The following TNFRSF19 variants were observed in gnomAD, a reference collection of about 807,000 sequenced individuals.
TNFRSF19 encodes the protein tumor necrosis factor receptor superfamily member 19.
In TNFRSF19, 27 loss-of-function variants were observed where a neutral mutation model predicts 46.4. The observed-to-expected ratio is 0.58, with a 90% CI of 0.43 to 0.80. TNFRSF19 has a LOEUF of 0.80. Among genes scored for constraint, TNFRSF19 ranks in the 30% least tolerant of loss-of-function variants. The pLI is 0.00. For missense variants in TNFRSF19, 511 were observed against 530.8 expected (o/e 0.96, Z 0.37); for synonymous variants, 204 against 205.0 (o/e 1.00, Z 0.04).
chr13:23,615,524 G>A (rs892830753), intron 3 of TNFRSF19, among the ~76,000 whole-genome samples: 1 of 152,126 alleles, frequency 6.6e-6, no homozygotes, highest in South Asian at 2.1e-4. Context: ...TTTCCCTGGC[G>A]TTAGCTTCTG....
At chr13:23,587,362 T>C (rs531597063) in intron 1 of TNFRSF19, among the ~76,000 whole-genome samples, 6 of 152,266 alleles carry the variant, frequency 3.9e-5, no homozygotes, top group African/African-American at 1.2e-4. Context: ...ACCAGCTAAA[T>C]TGTTTATTTC....
intron 4 of TNFRSF19, among the ~76,000 whole-genome samples, chr13:23,616,947 G>T (rs1452721231): frequency 6.6e-6 from 1 of 152,156 alleles, no homozygotes; most frequent in African/African-American, 2.4e-5. Flanking sequence ...AAAGATAGAA[G>T]ATGATAACTG....
rs768823245 is a variant in TNFRSF19, at chr13:23,615,963, C to A, written c.277C>A (p.Leu93Met). 15 of 1,613,936 alleles carry A rather than the reference C, an allele frequency of 9.3e-6. No homozygotes were observed. The highest frequency in any genetic ancestry group is 1.3e-5 in the Non-Finnish European group (15 of 1,179,938). The stretch of plus-strand genomic sequence containing the variant: ...GGGCTTCCAGAAATGCAAGCCCTGT[C>A]TGGACTGCGCAGTGGTGAACCGCTT... Reference protein sequence around the residue: ...DWGFQKCKPCLDCAVVNRFQK... With the variant: ...DWGFQKCKPCMDCAVVNRFQK... Residue 93 changes from leucine (L) to methionine (M), a missense_variant, in exon 4 of 10, where the codon CTG (leucine) becomes ATG (methionine). Around this residue, in one of 3 missense-constraint regions of TNFRSF19, gnomAD observed 121 missense variants for 124.1 expected, o/e 0.98. Coordinates refer to ENST00000248484, the MANE Select transcript of TNFRSF19 (RefSeq NM_148957.4).
chr13:23,663,155 G>T (rs1026005157), intron 7 of TNFRSF19, among the ~76,000 whole-genome samples: 2 of 152,186 alleles, frequency 1.3e-5, no homozygotes, highest in African/African-American at 4.8e-5. Context: ...CTGTGGGTTT[G>T]TCATAGATTG....
chr13:23,579,314 T>C (rs11841272), intron 1 of TNFRSF19: 1 of 152,022 alleles, frequency 6.6e-6, no homozygotes, highest in South Asian at 2.1e-4. Flanking sequence ...GGGTGGGCGG[T>C]GCCCTGAGCG....
intron 4 of TNFRSF19, among the ~76,000 whole-genome samples, chr13:23,623,706 G>A (rs1238528927): frequency 6.6e-6 from 1 of 152,102 alleles, no homozygotes; most frequent in Non-Finnish European, 1.5e-5. Flanking sequence ...TCAGTTCAGG[G>A]ATGATTAGTG....
intron 5 of TNFRSF19, among the ~76,000 whole-genome samples, chr13:23,650,015 G>A (rs1297667500): frequency 6.6e-6 from 1 of 152,144 alleles, no homozygotes; most frequent in Non-Finnish European, 1.5e-5. Flanking sequence ...TGAAGAGAAT[G>A]TGTATTCTGA....
chr13:23,579,196 T>C (rs1188033182), intron 1 of TNFRSF19, among the ~76,000 whole-genome samples: 1 of 151,952 alleles, frequency 6.6e-6, no homozygotes, highest in East Asian at 1.9e-4. Context: ...AGTGGGGGCC[T>C]CCAAAGAACC....
chr13:23,668,117 C>A (rs1219492190), intron 8 of TNFRSF19, 35 bp downstream of exon 8: 16 of 1,528,830 alleles, frequency 1.0e-5, no homozygotes, highest in Non-Finnish European at 1.1e-5. Flanking sequence ...ATTTCATAAC[C>A]CCCTGTGCAA....
chr13:23,598,574 T>C (rs1034711578), intron 3 of TNFRSF19, among the ~76,000 whole-genome samples: 9 of 152,180 alleles, frequency 5.9e-5, no homozygotes, highest in African/African-American at 2.2e-4. Context: ...TGACAGTATG[T>C]GTCTTATTAT....
chr13:23,641,012 A>G (rs1208807632), intron 5 of TNFRSF19, among the ~76,000 whole-genome samples: 1 of 152,238 alleles, frequency 6.6e-6, no homozygotes, highest in Non-Finnish European at 1.5e-5. Flanking sequence ...CGTAGTGCCC[A>G]AGCAGCTAGG....
rs147524652 is a variant in TNFRSF19, at chr13:23,655,238, A to G, written c.446-3812A>G. ...CGTACTCGTAATAGACACTCAGGAC[A>G]TAATTGTTCAGTTGAGTTGAACTCC... On this transcript the variant is annotated intron_variant, in intron 5 of 9. Transcript: ENST00000248484. 2.1e-3 allele frequency among the ~76,000 whole-genome samples: 322 copies of G among 152,354 alleles called. 4 individuals are homozygous for G. Among genetic ancestry groups the G allele is most frequent in the African/African-American group, 7.2e-3 (300 of 41,588 alleles).
Position 23,660,378 on chromosome 13 carries a change from A to G in TNFRSF19, c.624A>G (p.Ser208=), listed in dbSNP as rs3751364. 0.77 allele frequency: 1,246,400 copies of G among 1,612,994 alleles called. 485,063 individuals carry two copies. The highest frequency in any genetic ancestry group is 0.8 in the Non-Finnish European group (942,693 of 1,179,566). ...CCCCTCATTTAGGGTCTCTGCGGTC[A>G]CAGGACATTCAGTACAACGGCTCTG... ...MEKKPSWSLR[S]QDIQYNGSEL... Residue 208 remains serine (S), a synonymous_variant, in exon 7 of 10, where the codon TCA becomes TCG. Transcript: ENST00000248484.
chr13:23,594,265 C>A (rs759609095), intron 3 of TNFRSF19: 2 of 452,536 alleles, frequency 4.4e-6, no homozygotes, highest in African/African-American at 4.0e-5. Flanking sequence ...CCATTCACTC[C>A]CCTGGAAAGG....
Position 23,572,008 on chromosome 13 carries a change from G to A in TNFRSF19, c.-35+1160G>A, listed in dbSNP as rs75518555. Among the ~76,000 whole-genome samples, 1,611 of 151,992 alleles carry A rather than the reference G, an allele frequency of 0.011. 134 individuals carry two copies. In the East Asian group the frequency reaches 0.23, roughly 21 times the overall value. On this transcript the variant is annotated intron_variant, in intron 1 of 9. Transcript: ENST00000248484. ...CAGTTATCCTTTAGTCTGAAATTCT[G>A]ATGAAACAGGAAAGGTCTAATGAGT...
At chr13:23,633,706 G>A (rs1882496632) in intron 5 of TNFRSF19, among the ~76,000 whole-genome samples, 1 of 152,076 alleles carries the variant, frequency 6.6e-6, no homozygotes, top group South Asian at 2.1e-4. Context: ...AAAATTAGCT[G>A]CGCGTGGTGG....
intron 1 of TNFRSF19, chr13:23,579,243 T>TGGGGGCGGGGCTCTGGAC (rs1878192496): frequency 1.3e-5 from 2 of 149,646 alleles, no homozygotes; most frequent in African/African-American, 2.5e-5. Context: ...CAGTGTGCGC[T>TGGGGGCGGGGCTCTGGAC]GGGGGCGGGG....
chr13:23,595,347 A>G (rs1325410915), intron 3 of TNFRSF19, among the ~76,000 whole-genome samples: 2 of 152,206 alleles, frequency 1.3e-5, no homozygotes, highest in African/African-American at 4.8e-5. Flanking sequence ...AATGCAAGGA[A>G]GCTAAGAATC....
chr13:23,657,437 A>G (rs971623687), intron 5 of TNFRSF19, among the ~76,000 whole-genome samples: 4 of 152,148 alleles, frequency 2.6e-5, no homozygotes, highest in South Asian at 4.1e-4. Context: ...CAGACCTTCA[A>G]TCTCTAGAGT....
Sources: gnomAD v4.1 joint callset for allele counts (sites outside exome capture counted in the v4.1 genomes callset) on GRCh38, gnomAD v4.1.1 for gene constraint, gnomAD v4.1.1 regional missense constraint, MANE v1.5 for transcripts, NCBI Gene and HGNC (gene_info 2026-07-23, HGNC 2026-07-21) for gene names.